The following MOXD1 variants were observed in gnomAD, a reference collection of about 807,000 sequenced individuals.
MOXD1 encodes monooxygenase DBH like 1, also known as DBH-like monooxygenase protein 1.
In MOXD1, 62 loss-of-function variants were observed where a neutral mutation model predicts 66.6. The observed-to-expected ratio is 0.93, with a 90% CI of 0.76 to 1.15. The LOEUF (loss-of-function observed/expected upper bound fraction) is 1.15. Ranked by LOEUF, MOXD1 falls within the 50% of genes most tolerant of loss-of-function variation. The pLI is 0.00. For synonymous variants in MOXD1, 303 were observed against 281.9 expected (o/e 1.07, Z -0.75); for missense variants, 847 against 754.6 (o/e 1.12, Z -1.44).
chr6:132,370,100 T>A (rs1361803595), intron 4 of MOXD1, among the ~76,000 whole-genome samples: 1 of 152,144 alleles, frequency 6.6e-6, no homozygotes, highest in Non-Finnish European at 1.5e-5. Flanking sequence ...TACTTTTTGT[T>A]TGCAGAAGAA....
chr6:132,332,705 T>C (rs1336912277), intron 4 of MOXD1, among the ~76,000 whole-genome samples: 1 of 152,190 alleles, frequency 6.6e-6, no homozygotes, highest in Non-Finnish European at 1.5e-5. Flanking sequence ...ACGCCATGCT[T>C]ACAAAGCCTG....
chr6:132,387,910 A>G (rs1200737392), intron 1 of MOXD1, among the ~76,000 whole-genome samples: 1 of 151,324 alleles, frequency 6.6e-6, no homozygotes, highest in East Asian at 1.9e-4. Flanking sequence ...TTAATACCCT[A>G]ATCTACAGGT....
chr6:132,325,048 G>C (rs1371077780), intron 6 of MOXD1: 1 of 151,376 alleles, frequency 6.6e-6, no homozygotes, highest in Non-Finnish European at 1.5e-5. Context: ...TTAAAATTAA[G>C]TATTTCAATA....
At chr6:132,306,510 A>G (rs905810811) in intron 10 of MOXD1, among the ~76,000 whole-genome samples, 2 of 152,110 alleles carry the variant, frequency 1.3e-5, no homozygotes, top group Non-Finnish European at 2.9e-5. Context: ...AAATACAGAG[A>G]ACACCATTAA....
intron 5 of MOXD1, 145 bp from the exon 6 acceptor site, chr6:132,328,260 TAAAG>T: frequency 7.4e-6 from 9 of 1,209,112 alleles, no homozygotes; most frequent in Non-Finnish European, 1.0e-5. Flanking sequence ...AAAAATGACT[TAAAG>T]AAAGAATCCC....
intron 10 of MOXD1, among the ~76,000 whole-genome samples, chr6:132,305,125 G>A (rs1005321254): frequency 1.3e-5 from 2 of 152,208 alleles, no homozygotes; most frequent in Admixed American, 6.5e-5. Flanking sequence ...CTCCCTGGGC[G>A]AGGGAAGGGC....
intron 9 of MOXD1, among the ~76,000 whole-genome samples, chr6:132,316,715 A>G (rs1328385913): frequency 6.6e-6 from 1 of 152,160 alleles, no homozygotes; most frequent in East Asian, 1.9e-4. Context: ...CAGAGAGATA[A>G]AAGACTAAAG....
rs1186992161 is a variant in MOXD1, at chr6:132,401,204, T to C, written c.223A>G (p.Ile75Val). ...CCGTGGGCCACCCCGCCCACGACGA[T>C]GTCGGCGGACGCCATGGCCCCGGTG... ...SPTGAMASAD[I>V]VVGGVAHGRP... The change falls in exon 1 of 12, where the codon ATC becomes GTC. Residue 75 changes from isoleucine (I) to valine (V), a missense_variant. Ile to Val is a conservative substitution (Grantham distance 29, BLOSUM62 3). Coordinates refer to ENST00000367963, the MANE Select transcript of MOXD1 (RefSeq NM_015529.4). 1.3e-6 allele frequency: 2 copies of C among 1,557,076 alleles called. No homozygotes were observed. The highest frequency in any genetic ancestry group is 1.8e-5 in the Admixed American group (1 of 54,808).
At chr6:132,332,042 G>A (rs1047067372) in intron 4 of MOXD1, among the ~76,000 whole-genome samples, 2 of 152,194 alleles carry the variant, frequency 1.3e-5, no homozygotes, top group African/African-American at 4.8e-5. Flanking sequence ...TGGGGAGGGG[G>A]CTCATGGCCT....
intron 10 of MOXD1, among the ~76,000 whole-genome samples, chr6:132,309,601 C>T (rs542261578): frequency 1.3e-5 from 2 of 152,302 alleles, no homozygotes; most frequent in East Asian, 3.9e-4. Context: ...GGAGGCATCA[C>T]ACTACCTGAC....
chr6:132,336,209 T>C (rs1775431799), intron 4 of MOXD1, among the ~76,000 whole-genome samples: 1 of 152,036 alleles, frequency 6.6e-6, no homozygotes, highest in African/African-American at 2.4e-5. Flanking sequence ...AGCTGGAAAT[T>C]TTGTAAATTC....
At chr6:132,372,726 C>T (rs1776290496) in intron 3 of MOXD1, 35 bp from the exon 4 acceptor site, 2 of 1,608,674 alleles carry the variant, frequency 1.2e-6, no homozygotes, top group African/African-American at 2.7e-5. Context: ...GACACAAAGT[C>T]ACCTTCTCTT....
In MOXD1 at chr6:132,315,730, A is replaced by G; in HGVS notation, c.1413T>C (p.Tyr471=). ...ATCGAGTAAGATTAATTCTTGGGTA[A>G]TAAAGAAGGTATGAGAGACACATTT... ...RSEMCLSYLL[Y]YPRINLTRCA... Residue 471 remains tyrosine (Y), a synonymous_variant, in exon 10 of 12, where the codon TAT becomes TAC. Coordinates refer to ENST00000367963, the MANE Select transcript of MOXD1 (RefSeq NM_015529.4). The G allele has an allele frequency of 6.2e-7, 1 of 1,613,570 alleles. No homozygotes were observed. Among genetic ancestry groups the G allele is most frequent in the South Asian group, 1.1e-5 (1 of 91,038 alleles).
intron 4 of MOXD1, among the ~76,000 whole-genome samples, chr6:132,338,785 C>T (rs1178493643): frequency 3.9e-5 from 6 of 152,128 alleles, no homozygotes; most frequent in Admixed American, 6.6e-5. Flanking sequence ...CTCACCAACT[C>T]GGTTCCTTTA....
chr6:132,373,385 A>G (rs976902748), intron 2 of MOXD1, among the ~76,000 whole-genome samples: 2 of 152,256 alleles, frequency 1.3e-5, no homozygotes, highest in African/African-American at 4.8e-5. Flanking sequence ...TTGGAAAATT[A>G]AATGCCATGG....
intron 4 of MOXD1, among the ~76,000 whole-genome samples, 188 bp from the exon 5 acceptor site, chr6:132,328,782 T>C (rs1372239717): frequency 6.6e-6 from 1 of 152,172 alleles, no homozygotes; most frequent in African/African-American, 2.4e-5. Flanking sequence ...GATATGATGA[T>C]GACAACGGCA....
chr6:132,401,122 C>A, intron 1 of MOXD1, 41 bp downstream of exon 1: 1 of 1,458,354 alleles, frequency 6.9e-7, no homozygotes, highest in Non-Finnish European at 9.0e-7. Flanking sequence ...CCGGACGGGA[C>A]CGGGCTCGGC....
chr6:132,311,757 T>C (rs1230699057), intron 10 of MOXD1, among the ~76,000 whole-genome samples: 1 of 152,118 alleles, frequency 6.6e-6, no homozygotes, highest in African/African-American at 2.4e-5. Flanking sequence ...TCATTTTATA[T>C]AAATATATAC....
Position 132,297,300 on chromosome 6 carries a change from T to C in MOXD1, c.1695A>G (p.Ala565=). The change falls in exon 12 of 12, where the codon GCA becomes GCG. Residue 565 remains alanine, a synonymous_variant. Coordinates refer to ENST00000367963, the MANE Select transcript of MOXD1 (RefSeq NM_015529.4). ...AGGGTCTTTCTATATCTGGAGGTAATGCTGTCATTCCTTGAATCTGAAAAT... is the reference window on the plus strand; with the variant it reads ...AGGGTCTTTCTATATCTGGAGGTAACGCTGTCATTCCTTGAATCTGAAAAT... The part of the protein sequence containing the change: ...NAEWSIQGMT[A]LPPDIERPYK... 1 of 1,612,932 alleles carries C rather than the reference T, an allele frequency of 6.2e-7. No homozygotes were observed. Among genetic ancestry groups the C allele is most frequent in the Non-Finnish European group, 8.5e-7 (1 of 1,179,318 alleles).
Sources: allele counts gnomAD v4.1 joint callset (sites outside exome capture counted in the v4.1 genomes callset), GRCh38; gene constraint gnomAD v4.1.1; transcripts MANE v1.5; gene names NCBI Gene and HGNC (gene_info 2026-07-23, HGNC 2026-07-21).